The following HDLBP variants were observed in gnomAD, a reference collection of about 807,000 sequenced individuals.
The protein encoded by HDLBP is vigilin.
Under a neutral mutation model 137.3 loss-of-function variants are expected in HDLBP, and 30 were observed. That is an observed-to-expected ratio of 0.22 (90% CI 0.16 to 0.30). HDLBP has a LOEUF of 0.30. Among genes scored for constraint, HDLBP ranks in the 10% least tolerant of loss-of-function variants. The pLI is 1.00. For synonymous variants in HDLBP, 606 were observed against 596.0 expected, an observed-to-expected ratio of 1.02 and a Z score of -0.24; for missense variants, 1,119 against 1,667.3, an observed-to-expected ratio of 0.67 and a Z score of 5.73.
chr2:241,240,800 C>A lies in HDLBP; in HGVS notation c.2170-678G>T, dbSNP rs1325818836. 6.6e-6 allele frequency among the ~76,000 whole-genome samples: 1 copy of A among 152,192 alleles called. No individual in the cohort carries two copies. Among genetic ancestry groups the A allele is most frequent in the Non-Finnish European group, 1.5e-5 (1 of 68,026 alleles). On this transcript the variant is annotated intron_variant, in intron 17 of 27. Coordinates refer to ENST00000310931, the MANE Select transcript of HDLBP (RefSeq NM_005336.6). This position sits in a 1 kb window ranked among gnomAD's most constrained non-coding sequence, Gnocchi z 5.5. ...AGGCCCCGGACACTGCTTGTGGACA[C>A]CAGTGCTTCTGGCAGACCCACGCAG...
At chr2:241,295,903 T>C (rs1448699591) in intron 1 of HDLBP, among the ~76,000 whole-genome samples, 3 of 152,250 alleles carry the variant, frequency 2.0e-5, no homozygotes, top group East Asian at 1.9e-4. Context: ...AGAGGGAGTG[T>C]GGCCCTGCCA....
At chr2:241,250,200 A>G (rs2072015992) in intron 11 of HDLBP, 2 of 427,496 alleles carry the variant, frequency 4.7e-6, no homozygotes, top group South Asian at 9.7e-5. Flanking sequence ...ACAGGCTCTC[A>G]GCCTGGACCA....
At position 241,242,663 on chromosome 2, in the gene HDLBP, C is replaced by T. The variant is rs2149416483; in HGVS notation, c.1966G>A (p.Val656Ile). The change falls in exon 17 of 28, where the codon GTA becomes ATA. Residue 656 changes from valine to isoleucine, a missense_variant. Val to Ile is a conservative substitution (Grantham distance 29). Coordinates refer to ENST00000310931, the MANE Select transcript of HDLBP (RefSeq NM_005336.6). ...AGCTTGGCAGGGATGGAGACCTCTA[C>T]CTCGGCTATGTTGGCCTGAAACCAA... ...IQKDLANIAEVEVSIPAKLHN... is the reference protein window; with the variant it reads ...IQKDLANIAEIEVSIPAKLHN... 1.2e-6 allele frequency: 2 copies of T among 1,613,718 alleles called. No individual in the cohort carries two copies. Among genetic ancestry groups the T allele is most frequent in the African/African-American group, 1.3e-5 (1 of 75,030 alleles).
chr2:241,244,784 T>C (rs1049617168), intron 16 of HDLBP, among the ~76,000 whole-genome samples: 2 of 152,252 alleles, frequency 1.3e-5, no homozygotes, highest in African/African-American at 4.8e-5. Flanking sequence ...TTTCATATTA[T>C]TTAAATCTCT....
chr2:241,236,926 G>T (rs2070558461), intron 20 of HDLBP, among the ~76,000 whole-genome samples, 157 bp from the exon 21 acceptor site: 1 of 149,574 alleles, frequency 6.7e-6, no homozygotes, highest in Non-Finnish European at 1.5e-5. Flanking sequence ...TCTGGTCAGG[G>T]AGAGCAGATA....
chr2:241,305,019 G>T, intron 1 of HDLBP, among the ~76,000 whole-genome samples: 1 of 152,318 alleles, frequency 6.6e-6, no homozygotes, highest in Admixed American at 6.5e-5. Flanking sequence ...CAATAAACCG[G>T]TGTGGTGTTT....
At chr2:241,260,141 T>G (rs1399071499) in intron 5 of HDLBP, among the ~76,000 whole-genome samples, 1 of 152,046 alleles carries the variant, frequency 6.6e-6, no homozygotes, top group East Asian at 1.9e-4. Context: ...GTAGCTGAGA[T>G]TGCAAGCACC....
intron 1 of HDLBP, chr2:241,273,364 G>C (rs2074258619): frequency 5.3e-6 from 3 of 567,010 alleles, no homozygotes; most frequent in Non-Finnish European, 6.7e-6. Flanking sequence ...CCCCCAAAAT[G>C]TAAAATCCCC....
chr2:241,278,922 G>A (rs541813626), intron 1 of HDLBP, among the ~76,000 whole-genome samples: 1 of 151,058 alleles, frequency 6.6e-6, no homozygotes, highest in African/African-American at 2.4e-5. Context: ...CTACTTGGGG[G>A]GCTGAGACAC....
In HDLBP at chr2:241,256,238, C is replaced by G. The variant is rs752578678; in HGVS notation, c.819G>C (p.Glu273Asp). Residue 273 changes from glutamate to aspartate, a missense_variant, in exon 7 of 28, where the codon GAG becomes GAC. Physicochemically the swap from Glu to Asp is conservative, Grantham distance 45. Around this residue, in one of 4 missense-constraint regions of HDLBP, gnomAD observed 425 missense variants for 693.9 expected, o/e 0.61. Transcript: ENST00000310931. ...VNRTEIVFTG[E>D]KEQLAQAVAR... The stretch of plus-strand genomic sequence containing the variant: ...CCACAGCCTGAGCCAACTGTTCCTT[C>G]TCTCCAGTGAAGACAATCTCTGTCC... 54 of 1,614,200 alleles carry G rather than the reference C, an allele frequency of 3.3e-5. No homozygotes were observed. Among genetic ancestry groups the G allele is most frequent in the Non-Finnish European group, 4.5e-5 (53 of 1,180,028 alleles).
At chr2:241,302,072 A>C (rs1244451762) in intron 1 of HDLBP, among the ~76,000 whole-genome samples, 3 of 146,996 alleles carry the variant, frequency 2.0e-5, no homozygotes, top group African/African-American at 5.1e-5. Flanking sequence ...GAGACCCCCC[A>C]CAACTCCCAT....
intron 1 of HDLBP, among the ~76,000 whole-genome samples, chr2:241,284,066 T>C (rs1387699566): frequency 2.0e-5 from 3 of 152,102 alleles, no homozygotes; most frequent in African/African-American, 7.2e-5. Flanking sequence ...TTACTGCTGA[T>C]TGGCAAAGCA....
At chr2:241,273,709 C>T (rs1354234253) in intron 1 of HDLBP, 2 of 968,382 alleles carry the variant, frequency 2.1e-6, no homozygotes, top group Non-Finnish European at 2.5e-6. Flanking sequence ...GACCGTCCCA[C>T]ACAGGGGAAG....
At chr2:241,315,187 A>T (rs933402130) in intron 1 of HDLBP, 3 of 152,146 alleles carry the variant, frequency 2.0e-5, no homozygotes, top group Non-Finnish European at 1.5e-5. Flanking sequence ...GCCCGGGCAC[A>T]GGAAGGCCAC....
chr2:241,238,576 T>C lies in HDLBP; in HGVS notation c.2749+73A>G, dbSNP rs2070836982. ...GAGACAGGAAAGAGCCTCACCAGTA[T>C]GTGCGACAGCCCCGCCTCTCACATG... On this transcript the variant is annotated intron_variant, in intron 20 of 27. Transcript: ENST00000310931. This position sits in a 1 kb window ranked among gnomAD's most constrained non-coding sequence, Gnocchi z 4.9. 2 of 1,195,946 alleles carry C rather than the reference T, an allele frequency of 1.7e-6. No individual in the cohort carries two copies. Among genetic ancestry groups the C allele is most frequent in the Non-Finnish European group, 2.3e-6 (2 of 879,006 alleles). The allele number at this position is 1,195,946 out of a possible 1,614,324, so 74.1% of individuals were successfully genotyped here.
At chr2:241,232,984 A>AGAAGGG (rs373185324) in intron 24 of HDLBP, among the ~76,000 whole-genome samples, 7 of 144,368 alleles carry the variant, frequency 4.8e-5, no homozygotes, top group African/African-American at 1.7e-4. Flanking sequence ...CTGGGGAGGA[A>AGAAGGG]GAAGGGGAAG....
chr2:241,230,167 G>T lies in HDLBP; in HGVS notation c.3577C>A (p.Leu1193Met). ...VEEAIDHILN[L>M]EEEYLADVVD... ...CAGAGACTCACGTATTCCTCCTCCAGATTGAGGATGTGGTCGATGGCTTCC... is the reference window on the plus strand; with the variant it reads ...CAGAGACTCACGTATTCCTCCTCCATATTGAGGATGTGGTCGATGGCTTCC... Residue 1193 changes from leucine (L) to methionine (M), a missense_variant, in exon 26 of 28, where the codon CTG (leucine) becomes ATG (methionine). Coordinates refer to ENST00000310931, the MANE Select transcript of HDLBP (RefSeq NM_005336.6). The surrounding 1 kb of genome is among the most constrained non-coding windows in gnomAD (Gnocchi z 5.0). 1.2e-6 allele frequency: 2 copies of T among 1,612,418 alleles called. No individual in the cohort carries two copies. Among genetic ancestry groups the T allele is most frequent in the Non-Finnish European group, 1.7e-6 (2 of 1,178,526 alleles).
At chr2:241,304,693 C>T (rs1200302475) in intron 1 of HDLBP, among the ~76,000 whole-genome samples, 1 of 152,220 alleles carries the variant, frequency 6.6e-6, no homozygotes, top group Non-Finnish European at 1.5e-5. Flanking sequence ...TGTATTTCAG[C>T]ACCGAATACC....
chr2:241,233,741 C>T lies in HDLBP; in HGVS notation c.3288+79G>A. On this transcript the variant is annotated intron_variant, in intron 24 of 27. Coordinates refer to ENST00000310931, the MANE Select transcript of HDLBP (RefSeq NM_005336.6). The surrounding 1 kb of genome is among the most constrained non-coding windows in gnomAD (Gnocchi z 4.3). ...TGGCCCTCGAACCCCCATCTAGGCA[C>T]ATCTGGTTACTGCTCCCAAGTCACA... 1.9e-6 allele frequency: 3 copies of T among 1,545,374 alleles called. No homozygotes were observed. The highest frequency in any genetic ancestry group is 2.7e-6 in the Non-Finnish European group (3 of 1,124,370).
Sources: gnomAD v4.1 joint callset for allele counts (sites outside exome capture counted in the v4.1 genomes callset) on GRCh38, gnomAD v4.1.1 for gene constraint, gnomAD v4.1.1 regional missense constraint, Gnocchi (gnomAD v3.1) non-coding constraint, MANE v1.5 for transcripts, NCBI Gene and HGNC (gene_info 2026-07-23, HGNC 2026-07-21) for gene names.